The following C3orf22 variants were observed in gnomAD, a reference collection of about 807,000 sequenced individuals.
The protein encoded by C3orf22 is uncharacterized protein C3orf22.
Under a neutral mutation model 10.8 loss-of-function variants are expected in C3orf22, and 7 were observed. The ratio of observed to expected loss-of-function variants is 0.65; its 90% CI spans 0.37 to 1.22. The LOEUF (loss-of-function observed/expected upper bound fraction) is 1.22. Among genes scored for constraint, C3orf22 ranks in the 50% most tolerant of loss-of-function variants. The pLI is 0.02. For missense variants in C3orf22, 173 were observed against 177.0 expected, an observed-to-expected ratio of 0.98 and a Z score of 0.13; for synonymous variants, 79 against 78.9, an observed-to-expected ratio of 1.00 and a Z score of 0.00.
In C3orf22 at chr3:126,549,891, C is replaced by G. The variant is rs1157933178; in HGVS notation, c.403G>C (p.Gly135Arg). ...CTCTAGGAGAGGCCCCTGGACAGCCCTGCCGCCTTGCTGGTCTGGGGGCAG... is the reference window on the plus strand; with the variant it reads ...CTCTAGGAGAGGCCCCTGGACAGCCGTGCCGCCTTGCTGGTCTGGGGGCAG... The part of the protein sequence containing the change: ...AACPQTSKAA[G>R]LSRGLS The change falls in exon 4 of 4, where the codon GGG becomes CGG. Residue 135 changes from glycine to arginine, a missense_variant. Transcript: ENST00000318225. The G allele has an allele frequency of 1.2e-6, 2 of 1,613,542 alleles. No individual in the cohort carries two copies. The highest frequency in any genetic ancestry group is 2.7e-5 in the African/African-American group (2 of 74,886).
intron 4 of C3orf22, among the ~76,000 whole-genome samples, chr3:126,544,197 A>G (rs1937029606): frequency 6.6e-6 from 1 of 152,092 alleles, no homozygotes; most frequent in South Asian, 2.1e-4. Context: ...TGGCTTTATA[A>G]GAAGAGTAAA....
chr3:126,537,467 G>T (rs1936822239), intron 4 of C3orf22, among the ~76,000 whole-genome samples: 1 of 152,212 alleles, frequency 6.6e-6, no homozygotes, highest in African/African-American at 2.4e-5. Flanking sequence ...TCAGGGTGGT[G>T]TTGGGTAGGT....
At chr3:126,529,224 C>T (rs755234123) in exon 5 of C3orf22, 1 of 955,136 alleles carries the variant, frequency 1.0e-6, no homozygotes, top group African/African-American at 1.7e-5. Context: ...TGGTGTTTCA[C>T]CCGGTATCTT....
intron 3 of C3orf22, 74 bp downstream of exon 3, chr3:126,551,923 C>A: frequency 6.6e-7 from 1 of 1,508,286 alleles, no homozygotes; most frequent in Admixed American, 2.2e-5. Context: ...CGTCTGCATG[C>A]AAAACTGGGG....
intron 4 of C3orf22, chr3:126,542,428 G>A (rs948216756): frequency 6.4e-7 from 1 of 1,553,764 alleles, no homozygotes; most frequent in East Asian, 2.5e-5. Context: ...CTGGGCCGCC[G>A]CGGCCCCGGG....
At chr3:126,552,476 C>T (rs1047413721) in intron 2 of C3orf22, among the ~76,000 whole-genome samples, 1 of 152,178 alleles carries the variant, frequency 6.6e-6, no homozygotes. Context: ...GCCACCTGGG[C>T]CTCATGTGAT....
At chr3:126,545,923 G>A (rs1276331845), downstream of C3orf22, among the ~76,000 whole-genome samples, 1 of 152,230 alleles carries the variant, frequency 6.6e-6, no homozygotes, top group Non-Finnish European at 1.5e-5. Context: ...AGTCCCTAGG[G>A]CCTGGCCCTT....
rs576846464 is a variant in C3orf22 at position 126,535,281 on chromosome 3, G to A, written c.287-5909C>T. On this transcript the variant is annotated intron_variant and NMD_transcript_variant, in intron 4 of 5. Coordinates refer to the C3orf22 transcript ENST00000505070. ...CAGACAGACAGCATCACTGTCCTCAGCTGGAGAAAGACAGACAGCATCGCT... is the reference window on the plus strand; with the variant it reads ...CAGACAGACAGCATCACTGTCCTCAACTGGAGAAAGACAGACAGCATCGCT... 1.3e-4 allele frequency among the ~76,000 whole-genome samples: 19 copies of A among 146,458 alleles called. No homozygotes were observed. The East Asian group carries it at 3.2e-3, about 24-fold the overall frequency.
intron 4 of C3orf22, among the ~76,000 whole-genome samples, chr3:126,535,867 T>G (rs113726434): frequency 8.5e-5 from 13 of 152,328 alleles, no homozygotes; most frequent in African/African-American, 2.9e-4. Flanking sequence ...ATACACAGGA[T>G]CTGAGGGTGC....
intron 4 of C3orf22, among the ~76,000 whole-genome samples, chr3:126,529,638 C>T (rs1270585424): frequency 6.6e-6 from 1 of 152,138 alleles, no homozygotes; most frequent in Non-Finnish European, 1.5e-5. Context: ...GGCCTGCAGT[C>T]CCCACCATGC....
intron 4 of C3orf22, among the ~76,000 whole-genome samples, chr3:126,531,914 A>G (rs1487995585): frequency 6.6e-6 from 1 of 152,178 alleles, no homozygotes; most frequent in Admixed American, 6.5e-5. Context: ...ACCACTTTAC[A>G]TCCCCACCAG....
chr3:126,538,599 C>T (rs1936853255), intron 4 of C3orf22, among the ~76,000 whole-genome samples: 1 of 152,224 alleles, frequency 6.6e-6, no homozygotes, highest in South Asian at 2.1e-4. Context: ...GCCGGATGGC[C>T]AACATTCCCT....
chr3:126,556,957 GACAC>G (rs998839785), intron 1 of C3orf22, among the ~76,000 whole-genome samples: 4 of 148,300 alleles, frequency 2.7e-5, no homozygotes, highest in East Asian at 4.0e-4. Context: ...CATACACACA[GACAC>G]ACATAGATTC....
chr3:126,544,869 C>G (rs1177413459), downstream of C3orf22, among the ~76,000 whole-genome samples: 1 of 152,248 alleles, frequency 6.6e-6, no homozygotes, highest in African/African-American at 2.4e-5. Flanking sequence ...ACGCTGTGCC[C>G]ACCACATGCA....
chr3:126,539,860 C>CT (rs1560142686), intron 4 of C3orf22, among the ~76,000 whole-genome samples: 7 of 402 alleles, frequency 0.017, no homozygotes, highest in Admixed American at 0.077. Flanking sequence ...CACACACACA[C>CT]CCCACACCAC....
chr3:126,536,876 CTT>C (rs1257706886), intron 4 of C3orf22, among the ~76,000 whole-genome samples: 14 of 113,256 alleles, frequency 1.2e-4, no homozygotes, highest in East Asian at 5.3e-4. Flanking sequence ...CTCTCTCTCT[CTT>C]TCTCACACAC....
chr3:126,546,982 G>C (rs1937079770), downstream of C3orf22, among the ~76,000 whole-genome samples: 1 of 152,224 alleles, frequency 6.6e-6, no homozygotes, highest in South Asian at 2.1e-4. Context: ...TGCTAGGTTA[G>C]TTTGGATCCT....
At position 126,558,705 on chromosome 3, in the gene C3orf22, G is replaced by C. The variant is rs1937411189; in HGVS notation, c.-119C>G. On this transcript the variant is annotated 5_prime_UTR_variant, in exon 1 of 4. The change creates a new upstream start codon in the 5' untranslated region. Coordinates refer to ENST00000318225, the MANE Select transcript of C3orf22 (RefSeq NM_152533.3). Reference sequence around the variant, plus strand: ...TCCTGGAACTGCTCCTATCCAGCAAGATGCTGGTGTGAGAGCCGCTGTGGC... The same window carrying C: ...TCCTGGAACTGCTCCTATCCAGCAACATGCTGGTGTGAGAGCCGCTGTGGC... The C allele has an allele frequency of 6.6e-6, 1 of 152,398 alleles. No individual in the cohort carries two copies. The highest frequency in any genetic ancestry group is 6.5e-5 in the Admixed American group (1 of 15,294). 9.4% of individuals were successfully genotyped at this position (152,398 alleles called of 1,614,324 possible).
chr3:126,541,939 C>T (rs765437703), intron 4 of C3orf22: 1 of 1,591,118 alleles, frequency 6.3e-7, no homozygotes, highest in South Asian at 1.1e-5. Context: ...CGCTGAGCGG[C>T]CAAGCCCGCG....
Sources: allele counts gnomAD v4.1 joint callset (sites outside exome capture counted in the v4.1 genomes callset), GRCh38; gene constraint gnomAD v4.1.1; transcripts MANE v1.5; gene names NCBI Gene and HGNC (gene_info 2026-07-23, HGNC 2026-07-21).